RABGAP1L: variants seen among roughly 807,000 people sequenced by gnomAD.
RABGAP1L encodes the protein RAB GTPase activating protein 1 like, also known as rab GTPase-activating protein 1-like.
In RABGAP1L, 63 loss-of-function variants were observed where a neutral mutation model predicts 137.7. The ratio of observed to expected loss-of-function variants is 0.46; its 90% CI spans 0.37 to 0.56. RABGAP1L has a LOEUF of 0.56. Among genes scored for constraint, RABGAP1L ranks in the 20% least tolerant of loss-of-function variants. The pLI is 0.00. For missense variants in RABGAP1L, 1,095 were observed against 1,244.0 expected, an observed-to-expected ratio of 0.88 and a Z score of 1.80; for synonymous variants, 431 against 433.7, an observed-to-expected ratio of 0.99 and a Z score of 0.08.
intron 1 of RABGAP1L, among the ~76,000 whole-genome samples, chr1:174,209,713 T>C (rs2148426032): frequency 6.6e-6 from 1 of 152,216 alleles, no homozygotes; most frequent in East Asian, 1.9e-4. Context: ...CTGGCTTTGC[T>C]ACCTGTTGAT....
At chr1:174,424,756 A>T (rs1651755888) in intron 13 of RABGAP1L, among the ~76,000 whole-genome samples, 1 of 152,060 alleles carries the variant, frequency 6.6e-6, no homozygotes, top group Non-Finnish European at 1.5e-5. Context: ...ATTGAAGCTG[A>T]ATTTAACACA....
At chr1:174,678,278 C>G (rs1011702084) in intron 14 of RABGAP1L, among the ~76,000 whole-genome samples, 1 of 152,028 alleles carries the variant, frequency 6.6e-6, no homozygotes, top group South Asian at 2.1e-4. Context: ...ATACTCTAGG[C>G]CCAGATGGTT....
At chr1:174,314,498 T>C (rs1369493166) in intron 11 of RABGAP1L, among the ~76,000 whole-genome samples, 1 of 152,180 alleles carries the variant, frequency 6.6e-6, no homozygotes, top group African/African-American at 2.4e-5. Context: ...AGTTTCAATT[T>C]ATTTGTTCTC....
chr1:174,478,776 T>TG lies in RABGAP1L; in HGVS notation c.1710+84632dup, dbSNP rs1399592800. ...ACAACTTACAAACCGTTGCTACCTA[T>TG]GAAACCTTTTTCAACTTTTGTGTCT... On this transcript the variant is annotated intron_variant, in intron 13 of 25. Coordinates refer to ENST00000681986, the MANE Select transcript of RABGAP1L (RefSeq NM_001366446.1). Among the ~76,000 whole-genome samples the TG allele has an allele frequency of 2.0e-5, 3 of 152,346 alleles. No individual in the cohort carries two copies. In the East Asian group the frequency reaches 5.8e-4, roughly 29 times the overall value.
intron 11 of RABGAP1L, among the ~76,000 whole-genome samples, chr1:174,346,280 TCTC>T (rs1682420973): frequency 6.6e-6 from 1 of 152,166 alleles, no homozygotes; most frequent in African/African-American, 2.4e-5. Context: ...AGTATTCCTT[TCTC>T]CTCCTTTTTT....
intron 19 of RABGAP1L, among the ~76,000 whole-genome samples, chr1:174,815,479 A>G (rs1300668450): frequency 2.6e-5 from 4 of 152,156 alleles, no homozygotes; most frequent in African/African-American, 7.2e-5. Flanking sequence ...TTGGTGTTGT[A>G]TATAGTTGTG....
At chr1:174,525,510 A>T (rs1020076056) in intron 13 of RABGAP1L, among the ~76,000 whole-genome samples, 3 of 152,138 alleles carry the variant, frequency 2.0e-5, no homozygotes, top group Non-Finnish European at 4.4e-5. Flanking sequence ...ACTTTACTGA[A>T]TCTGCTTATC....
intron 18 of RABGAP1L, among the ~76,000 whole-genome samples, chr1:174,810,671 C>A (rs1371735836): frequency 6.6e-6 from 1 of 152,114 alleles, no homozygotes; most frequent in Non-Finnish European, 1.5e-5. Flanking sequence ...TTTTTGGCTT[C>A]TGTGTACTCA....
intron 19 of RABGAP1L, among the ~76,000 whole-genome samples, chr1:174,820,269 G>T (rs2987869): frequency 0.42 from 63,811 of 151,964 alleles, 15,710 homozygotes; most frequent in Non-Finnish European, 0.54. Flanking sequence ...CAGGGCAGTT[G>T]TGCTAATAAA....
At chr1:174,711,629 C>T (rs1680527887) in intron 17 of RABGAP1L, among the ~76,000 whole-genome samples, 1 of 152,202 alleles carries the variant, frequency 6.6e-6, no homozygotes, top group Non-Finnish European at 1.5e-5. Context: ...TAGCTGCCTC[C>T]CCATAGGGCA....
At chr1:174,905,144 A>T (rs947408243) in intron 19 of RABGAP1L, among the ~76,000 whole-genome samples, 1 of 152,212 alleles carries the variant, frequency 6.6e-6, no homozygotes, top group Non-Finnish European at 1.5e-5. Flanking sequence ...CTAAGGAACT[A>T]TATCTAATAA....
intron 5 of RABGAP1L, chr1:174,244,458 G>GA (rs1472287616): frequency 6.6e-6 from 1 of 152,214 alleles, no homozygotes; most frequent in East Asian, 1.9e-4. Flanking sequence ...CAGTGAGGGT[G>GA]ATGGCCCTCT....
intron 13 of RABGAP1L, among the ~76,000 whole-genome samples, chr1:174,605,215 G>A (rs1670700165): frequency 2.6e-5 from 4 of 152,156 alleles, no homozygotes; most frequent in Admixed American, 2.6e-4. Flanking sequence ...TTGTTTGATG[G>A]GAGGAATGAG....
chr1:174,652,960 C>G (rs752257615), intron 14 of RABGAP1L, among the ~76,000 whole-genome samples: 1 of 152,224 alleles, frequency 6.6e-6, no homozygotes, highest in Non-Finnish European at 1.5e-5. Context: ...AAGGTCCTGA[C>G]TGGGGCTGCT....
intron 19 of RABGAP1L, among the ~76,000 whole-genome samples, chr1:174,919,474 C>T (rs780204125): frequency 1.6e-4 from 25 of 152,212 alleles, no homozygotes; most frequent in Admixed American, 4.6e-4. Context: ...CATGGCAGCT[C>T]AGGGTTCTCA....
At chr1:174,802,464 G>A (rs1025591362) in intron 18 of RABGAP1L, among the ~76,000 whole-genome samples, 5 of 152,122 alleles carry the variant, frequency 3.3e-5, no homozygotes, top group African/African-American at 4.8e-5. Context: ...AAAATTAGCC[G>A]GGCGTGGTGG....
chr1:174,212,984 A>G (rs1669012734), intron 1 of RABGAP1L, among the ~76,000 whole-genome samples: 1 of 152,258 alleles, frequency 6.6e-6, no homozygotes, highest in African/African-American at 2.4e-5. Flanking sequence ...TCAAGATTGA[A>G]CTGTGAAGAA....
intron 13 of RABGAP1L, among the ~76,000 whole-genome samples, chr1:174,522,078 CAAA>C (rs72074759): frequency 4.7e-5 from 7 of 147,814 alleles, no homozygotes; most frequent in African/African-American, 7.3e-5. Context: ...GACTCTGTCT[CAAA>C]AAAAAAAAAA....
At position 174,846,096 on chromosome 1, in the gene RABGAP1L, G is replaced by A. The variant is rs888568031; in HGVS notation, c.2340+34136G>A. 3.3e-5 allele frequency among the ~76,000 whole-genome samples: 5 copies of A among 151,784 alleles called. No homozygotes were observed. The East Asian group carries it at 5.8e-4, about 18-fold the overall frequency. The stretch of plus-strand genomic sequence containing the variant: ...TATCCCCTTTATTATTTTTTATTGT[G>A]TCTATTTGATTCTTCTCTCTTTTCT... On this transcript the variant is annotated intron_variant, in intron 19 of 25. Transcript: ENST00000681986.
Sources: gnomAD v4.1 joint callset for allele counts (sites outside exome capture counted in the v4.1 genomes callset) on GRCh38, gnomAD v4.1.1 for gene constraint, MANE v1.5 for transcripts, NCBI Gene and HGNC (gene_info 2026-07-23, HGNC 2026-07-21) for gene names.